Variants in RFTN1 observed in about 807,000 individuals in gnomAD.
RFTN1 encodes raftlin, lipid raft linker 1.
RFTN1 carries 26 observed loss-of-function variants against 46.5 expected under a neutral mutation model. The ratio of observed to expected loss-of-function variants is 0.56; its 90% CI spans 0.41 to 0.78. The LOEUF (loss-of-function observed/expected upper bound fraction) is 0.78. Among genes scored for constraint, RFTN1 ranks in the 30% least tolerant of loss-of-function variants. The pLI, the probability that RFTN1 is intolerant of heterozygous loss-of-function variation, is 0.00. For missense variants in RFTN1, 693 were observed against 718.7 expected, an observed-to-expected ratio of 0.96 and a Z score of 0.41; for synonymous variants, 261 against 284.2, an observed-to-expected ratio of 0.92 and a Z score of 0.82.
rs1272388976 is a variant in RFTN1, at chr3:16,361,424, G to A, written c.1031-3377C>T. On this transcript the variant is annotated intron_variant, in intron 6 of 9. Coordinates refer to ENST00000334133, the MANE Select transcript of RFTN1 (RefSeq NM_015150.2). The surrounding 1 kb of genome is among the most constrained non-coding windows in gnomAD (Gnocchi z 4.3). ...AGGAAGACAATAACATCATGTCAGA[G>A]GTGATACATGCTAGAAAAATACTAA... is the stretch of plus-strand genomic sequence containing the variant. Among the ~76,000 whole-genome samples, 2 of 152,170 alleles carry A rather than the reference G, an allele frequency of 1.3e-5. No individual in the cohort carries two copies. Among genetic ancestry groups the A allele is most frequent in the Non-Finnish European group, 2.9e-5 (2 of 68,030 alleles).
chr3:16,397,221 A>G (rs555993211), intron 4 of RFTN1, among the ~76,000 whole-genome samples: 4 of 152,338 alleles, frequency 2.6e-5, no homozygotes, highest in African/African-American at 9.6e-5. Context: ...CCTAGAGGAC[A>G]TTATGCTAAG....
In RFTN1 at chr3:16,336,485, T is replaced by C. The variant is rs1254140596; in HGVS notation, c.1147-9609A>G. Among the ~76,000 whole-genome samples the C allele has an allele frequency of 6.6e-6, 1 of 152,198 alleles. No homozygotes were observed. Among genetic ancestry groups the C allele is most frequent in the Admixed American group, 6.5e-5 (1 of 15,288 alleles). ...CCTCACCCTCAGCCTCCCAGGCCTC[T>C]GCGGGAGGGAGGGACAGGCACGCTG... On this transcript the variant is annotated intron_variant, in intron 7 of 9. Coordinates refer to ENST00000334133, the MANE Select transcript of RFTN1 (RefSeq NM_015150.2). The surrounding 1 kb of genome is among the most constrained non-coding windows in gnomAD (Gnocchi z 6.0).
Position 16,382,017 on chromosome 3 carries a change from A to G in RFTN1, c.442-3915T>C, listed in dbSNP as rs2074009784. Among the ~76,000 whole-genome samples, 1 of 152,208 alleles carries G rather than the reference A, an allele frequency of 6.6e-6. No individual in the cohort carries two copies. The highest frequency in any genetic ancestry group is 1.5e-5 in the Non-Finnish European group (1 of 68,038). ...GCACAAATTTTGTATCTTATACCAT[A>G]GTGCTACCTAGGATCCAAACTTTAA... On this transcript the variant is annotated intron_variant, in intron 4 of 9. Coordinates refer to ENST00000334133, the MANE Select transcript of RFTN1 (RefSeq NM_015150.2). This position sits in a 1 kb window ranked among gnomAD's most constrained non-coding sequence, Gnocchi z 4.7.
At chr3:16,394,750 A>G (rs983348473) in intron 4 of RFTN1, among the ~76,000 whole-genome samples, 2 of 152,020 alleles carry the variant, frequency 1.3e-5, no homozygotes, top group African/African-American at 4.8e-5. Context: ...TTTTTTTAAG[A>G]GCAATGTGAA....
rs114061631 is a variant in RFTN1, at chr3:16,483,643, A to G, written c.145+10082T>C. Among the ~76,000 whole-genome samples, 1,960 of 152,308 alleles carry G rather than the reference A, an allele frequency of 0.013. 41 individuals are homozygous for G. The highest frequency in any genetic ancestry group is 0.045 in the African/African-American group (1,874 of 41,546). On this transcript the variant is annotated intron_variant, in intron 2 of 9. Coordinates refer to ENST00000334133, the MANE Select transcript of RFTN1 (RefSeq NM_015150.2). This position sits in a 1 kb window ranked among gnomAD's most constrained non-coding sequence, Gnocchi z 4.8. The stretch of plus-strand genomic sequence containing the variant: ...CAAATATATTCCAAGTCACCTAAAG[A>G]AAGTAAGTTATGATTTGGTCATAAT...
At chr3:16,478,298 C>A (rs898483397) in intron 2 of RFTN1, among the ~76,000 whole-genome samples, 8 of 152,152 alleles carry the variant, frequency 5.3e-5, no homozygotes, top group Admixed American at 4.6e-4. Context: ...GCTAATCTTC[C>A]TGAAATATAG....
At chr3:16,487,362 C>A (rs2076464786) in intron 2 of RFTN1, among the ~76,000 whole-genome samples, 1 of 152,178 alleles carries the variant, frequency 6.6e-6, no homozygotes, top group African/African-American at 2.4e-5. Flanking sequence ...CTTAGAGACA[C>A]AGATTCTGAC....
At position 16,427,333 on chromosome 3, in the gene RFTN1, G is replaced by A. The variant is rs554144177; in HGVS notation, c.332+6518C>T. Reference sequence around the variant, plus strand: ...GTAGGGATCTGAGCTTGCAAGCCCTGTCTTAGAATAAAGACAGAGTCTTCA... The same window carrying A: ...GTAGGGATCTGAGCTTGCAAGCCCTATCTTAGAATAAAGACAGAGTCTTCA... On this transcript the variant is annotated intron_variant, in intron 3 of 9. Coordinates refer to ENST00000334133, the MANE Select transcript of RFTN1 (RefSeq NM_015150.2). The surrounding 1 kb of genome is among the most constrained non-coding windows in gnomAD (Gnocchi z 5.4). 6.6e-6 allele frequency among the ~76,000 whole-genome samples: 1 copy of A among 152,308 alleles called. No individual in the cohort carries two copies. The highest frequency in any genetic ancestry group is 1.9e-4 in the East Asian group (1 of 5,192).
chr3:16,402,414 C>A lies in RFTN1; in HGVS notation c.441+6961G>T, dbSNP rs1198868964. Among the ~76,000 whole-genome samples the A allele has an allele frequency of 6.6e-6, 1 of 152,168 alleles. No homozygotes were observed. Among genetic ancestry groups the A allele is most frequent in the Non-Finnish European group, 1.5e-5 (1 of 68,028 alleles). Reference sequence around the variant, plus strand: ...GATGACACTCCATTTTCTGCCTTTACTTCCCCTCAACAACCCCCCTCCCCA... The same window carrying A: ...GATGACACTCCATTTTCTGCCTTTAATTCCCCTCAACAACCCCCCTCCCCA... On this transcript the variant is annotated intron_variant, in intron 4 of 9. Coordinates refer to ENST00000334133, the MANE Select transcript of RFTN1 (RefSeq NM_015150.2). This position sits in a 1 kb window ranked among gnomAD's most constrained non-coding sequence, Gnocchi z 4.5.
intron 7 of RFTN1, among the ~76,000 whole-genome samples, chr3:16,333,922 T>C (rs1176565095): frequency 3.3e-5 from 5 of 152,138 alleles, no homozygotes; most frequent in African/African-American, 1.2e-4. Context: ...TCCCAGCACT[T>C]TGGGAGGCCG....
rs538025262 is a variant in RFTN1, at chr3:16,413,847, G to A, written c.333-4364C>T. ...GCTACCGGTGTTAGAGCTAACTAGA[G>A]GCAGGTAATACACCAGCTGTGAGCC... On this transcript the variant is annotated intron_variant, in intron 3 of 9. Transcript: ENST00000334133. This position sits in a 1 kb window ranked among gnomAD's most constrained non-coding sequence, Gnocchi z 4.7. 6.6e-6 allele frequency among the ~76,000 whole-genome samples: 1 copy of A among 152,268 alleles called. No individual in the cohort carries two copies. Among genetic ancestry groups the A allele is most frequent in the East Asian group, 1.9e-4 (1 of 5,180 alleles).
chr3:16,413,005 A>G lies in RFTN1; in HGVS notation c.333-3522T>C, dbSNP rs1017689848. ...TTACAGCCTGATAAAATTCTGAAGC[A>G]AAGAACCCTGATAAACTACAGAAAC... On this transcript the variant is annotated intron_variant, in intron 3 of 9. Coordinates refer to ENST00000334133, the MANE Select transcript of RFTN1 (RefSeq NM_015150.2). This position sits in a 1 kb window ranked among gnomAD's most constrained non-coding sequence, Gnocchi z 4.7. Among the ~76,000 whole-genome samples, 5 of 151,398 alleles carry G rather than the reference A, an allele frequency of 3.3e-5. 1 individual carries two copies. The highest frequency in any genetic ancestry group is 1.3e-4 in the Admixed American group (2 of 15,270).
At position 16,346,668 on chromosome 3, in the gene RFTN1, C is replaced by T. The variant is rs185492122; in HGVS notation, c.1146+11264G>A. Among the ~76,000 whole-genome samples, 5 of 152,254 alleles carry T rather than the reference C, an allele frequency of 3.3e-5. No individual in the cohort carries two copies. Among genetic ancestry groups the T allele is most frequent in the African/African-American group, 1.2e-4 (5 of 41,540 alleles). On this transcript the variant is annotated intron_variant, in intron 7 of 9. Coordinates refer to ENST00000334133, the MANE Select transcript of RFTN1 (RefSeq NM_015150.2). This position sits in a 1 kb window ranked among gnomAD's most constrained non-coding sequence, Gnocchi z 4.4. ...TGTGACTCAGTCCTGGCCAATGAGA[C>T]CTGAGGAAATCTCTGTTGTGGGTTT...
At chr3:16,420,073 G>A (rs1278872342) in intron 3 of RFTN1, among the ~76,000 whole-genome samples, 1 of 152,178 alleles carries the variant, frequency 6.6e-6, no homozygotes, top group Non-Finnish European at 1.5e-5. Flanking sequence ...GTCAGGGCTG[G>A]CTCCCTGGGA....
rs936073122 is a variant in RFTN1, at chr3:16,480,826, A to G, written c.145+12899T>C. On this transcript the variant is annotated intron_variant, in intron 2 of 9. Coordinates refer to ENST00000334133, the MANE Select transcript of RFTN1 (RefSeq NM_015150.2). This position sits in a 1 kb window ranked among gnomAD's most constrained non-coding sequence, Gnocchi z 4.3. ...TCCGCTTTAACCAAATTAGATAACA[A>G]TTATTACCACTACCTCAAGGCTGCT... Among the ~76,000 whole-genome samples, 2 of 152,204 alleles carry G rather than the reference A, an allele frequency of 1.3e-5. No homozygotes were observed. The highest frequency in any genetic ancestry group is 4.8e-5 in the African/African-American group (2 of 41,460).
chr3:16,324,645 A>C (rs2069497656), intron 8 of RFTN1, among the ~76,000 whole-genome samples: 6 of 32,590 alleles, frequency 1.8e-4, no homozygotes, highest in Admixed American at 3.1e-4. Context: ...ATAGTATTCC[A>C]TTGTGTGTGT....
chr3:16,331,864 CTT>C (rs1401188095), intron 7 of RFTN1, among the ~76,000 whole-genome samples: 1 of 152,126 alleles, frequency 6.6e-6, no homozygotes, highest in Admixed American at 6.5e-5. Flanking sequence ...CTAAAAATGC[CTT>C]TGTGTTAACT....
intron 2 of RFTN1, among the ~76,000 whole-genome samples, chr3:16,441,299 TAAAAAAAAAA>T (rs59877269): frequency 2.1e-5 from 1 of 47,554 alleles, no homozygotes; most frequent in Non-Finnish European, 4.9e-5. Flanking sequence ...TTCCAAGAAC[TAAAAAAAAAA>T]AAAAAAAAAA....
intron 4 of RFTN1, among the ~76,000 whole-genome samples, chr3:16,398,180 G>A (rs937195264): frequency 3.3e-5 from 5 of 149,700 alleles, no homozygotes; most frequent in Non-Finnish European, 7.4e-5. Flanking sequence ...CCGGGAGGTG[G>A]AGGTTGCAGT....
Sources: gnomAD v4.1 joint callset for allele counts (sites outside exome capture counted in the v4.1 genomes callset) on GRCh38, gnomAD v4.1.1 for gene constraint, Gnocchi (gnomAD v3.1) non-coding constraint, MANE v1.5 for transcripts, NCBI Gene and HGNC (gene_info 2026-07-23, HGNC 2026-07-21) for gene names.